TCF4: variants seen among roughly 807,000 people sequenced by gnomAD.
The protein encoded by TCF4 is transcription factor 4.
A neutral mutation model predicts 82.1 loss-of-function variants in TCF4; 3 were observed. The observed-to-expected ratio is 0.04, with a 90% CI of 0.02 to 0.09. The LOEUF (loss-of-function observed/expected upper bound fraction) is 0.09, where lower values mean the gene tolerates loss of function less well. Ranked by LOEUF, TCF4 falls within the 10% of genes least tolerant of loss-of-function variation. The pLI is 1.00. For missense variants in TCF4, 518 were observed against 852.7 expected (o/e 0.61, Z 4.89); for synonymous variants, 276 against 309.6 (o/e 0.89, Z 1.14).
intron 5 of TCF4, among the ~76,000 whole-genome samples, chr18:55,431,200 A>T (rs1360953231): frequency 6.6e-6 from 1 of 152,212 alleles, no homozygotes; most frequent in Non-Finnish European, 1.5e-5. Flanking sequence ...ACCTACCTCA[A>T]ATCAAGGAAC....
intron 5 of TCF4, among the ~76,000 whole-genome samples, chr18:55,442,033 C>T (rs1003607364): frequency 1.6e-4 from 24 of 152,158 alleles, no homozygotes; most frequent in Non-Finnish European, 1.9e-4. Context: ...AATGTTTCTC[C>T]ACTGACACAA....
chr18:55,591,898 A>C (rs1349396870), upstream of TCF4, among the ~76,000 whole-genome samples: 1 of 152,202 alleles, frequency 6.6e-6, no homozygotes, highest in Non-Finnish European at 1.5e-5. Context: ...AAAGGTATCC[A>C]ATTGCTAGTC....
chr18:55,280,853 A>C (rs1315849448), intron 8 of TCF4, among the ~76,000 whole-genome samples: 1 of 152,194 alleles, frequency 6.6e-6, no homozygotes, highest in Non-Finnish European at 1.5e-5. Context: ...ATGAATCATA[A>C]ACTAAGCATT....
chr18:55,431,887 A>C (rs1290857949), intron 5 of TCF4, among the ~76,000 whole-genome samples: 1 of 152,194 alleles, frequency 6.6e-6, no homozygotes, highest in East Asian at 1.9e-4. Context: ...AAGAAATGGC[A>C]ACTAGAGAAG....
intron 3 of TCF4, among the ~76,000 whole-genome samples, chr18:55,491,557 C>A (rs2042861498): frequency 6.6e-6 from 1 of 152,128 alleles, no homozygotes; most frequent in Non-Finnish European, 1.5e-5. Context: ...TTTATGTCCC[C>A]AAATCTGGGC....
chr18:55,499,670 C>G (rs1228578409), intron 3 of TCF4, among the ~76,000 whole-genome samples: 1 of 152,224 alleles, frequency 6.6e-6, no homozygotes, highest in Non-Finnish European at 1.5e-5. Context: ...GCAGCCAGGT[C>G]TGCAAACCAC....
At chr18:55,449,079 C>T (rs2144271813) in intron 5 of TCF4, among the ~76,000 whole-genome samples, 1 of 152,304 alleles carries the variant, frequency 6.6e-6, no homozygotes, top group Admixed American at 6.5e-5. Flanking sequence ...AGCTCTCCCA[C>T]CCTCTCCTGG....
intron 2 of TCF4, among the ~76,000 whole-genome samples, chr18:55,603,935 C>T (rs2097699822): frequency 6.6e-6 from 1 of 152,072 alleles, no homozygotes; most frequent in Admixed American, 6.6e-5. Context: ...TCATTCAGAA[C>T]CTTGAACTGC....
intron 2 of TCF4, among the ~76,000 whole-genome samples, chr18:55,602,481 G>A (rs1024641666): frequency 6.6e-6 from 1 of 152,148 alleles, no homozygotes; most frequent in Non-Finnish European, 1.5e-5. Context: ...TGTGTATTTA[G>A]GGAATTAAAA....
At chr18:55,381,497 A>G (rs1186585780) in intron 6 of TCF4, among the ~76,000 whole-genome samples, 2 of 152,248 alleles carry the variant, frequency 1.3e-5, no homozygotes, top group Admixed American at 1.3e-4. Flanking sequence ...TTCACTAAAT[A>G]TGACCAAATG....
intron 3 of TCF4, among the ~76,000 whole-genome samples, chr18:55,565,078 C>A (rs900615968): frequency 6.6e-6 from 1 of 152,112 alleles, no homozygotes; most frequent in Admixed American, 6.5e-5. Flanking sequence ...CTGTGTTGTG[C>A]AGAATCTAGA....
chr18:55,480,276 C>CAAAAAAAAAAAAAAA (rs74180500), intron 3 of TCF4, among the ~76,000 whole-genome samples: 1 of 27,678 alleles, frequency 3.6e-5, no homozygotes, highest in African/African-American at 1.3e-4. Context: ...GTAGGAACTC[C>CAAAAAAAAAAAAAAA]AAAAAAAAAA....
chr18:55,490,287 T>C (rs2096562622), intron 3 of TCF4, among the ~76,000 whole-genome samples: 1 of 152,160 alleles, frequency 6.6e-6, no homozygotes, highest in Non-Finnish European at 1.5e-5. Flanking sequence ...TTTATTTAGA[T>C]ATATTTATTT....
intron 6 of TCF4, among the ~76,000 whole-genome samples, chr18:55,362,429 GGAAGGAAA>G (rs1569192185): frequency 2.2e-5 from 3 of 136,644 alleles, no homozygotes; most frequent in African/African-American, 5.5e-5. Context: ...AAGGAAGGAA[GGAAGGAAA>G]AAAAAAAAGA....
chr18:55,604,235 TAA>T (rs899785923), intron 2 of TCF4, among the ~76,000 whole-genome samples: 4 of 147,418 alleles, frequency 2.7e-5, no homozygotes, highest in Admixed American at 2.1e-4. Context: ...TGTTTTTTTT[TAA>T]AAAAAGCCGA....
At chr18:55,241,477 T>A (rs1036546384) in intron 15 of TCF4, among the ~76,000 whole-genome samples, 5 of 152,238 alleles carry the variant, frequency 3.3e-5, no homozygotes, top group African/African-American at 1.2e-4. Context: ...TGGTGAAGTC[T>A]AGCAATTATG....
chr18:55,585,181 T>A, intron 3 of TCF4, 99 bp downstream of exon 3: 1 of 1,096,532 alleles, frequency 9.1e-7, no homozygotes, highest in East Asian at 2.4e-5. Context: ...TAAAATTCAA[T>A]GACTTTTTCA....
intron 2 of TCF4, among the ~76,000 whole-genome samples, chr18:55,621,973 TATATTA>T (rs2097721213): frequency 7.8e-6 from 1 of 128,520 alleles, no homozygotes; most frequent in Non-Finnish European, 1.5e-5. Context: ...CTATATATTA[TATATTA>T]TATATACACT....
At chr18:55,576,598 G>A (rs1395967266) in intron 3 of TCF4, among the ~76,000 whole-genome samples, 1 of 152,014 alleles carries the variant, frequency 6.6e-6, no homozygotes, top group African/African-American at 2.4e-5. Context: ...ATCCTGATAT[G>A]CACGCTCAGT....
Sources: gnomAD v4.1 joint callset for allele counts (sites outside exome capture counted in the v4.1 genomes callset) on GRCh38, gnomAD v4.1.1 for gene constraint, MANE v1.5 for transcripts, NCBI Gene and HGNC (gene_info 2026-07-23, HGNC 2026-07-21) for gene names.